The following TAF1B variants were observed in gnomAD, a reference collection of about 807,000 sequenced individuals.
TAF1B encodes TATA-box binding protein associated factor, RNA polymerase I subunit B.
Under a neutral mutation model 83.9 loss-of-function variants are expected in TAF1B, and 61 were observed. The observed-to-expected ratio is 0.73, with a 90% CI of 0.59 to 0.90. The LOEUF (loss-of-function observed/expected upper bound fraction) is 0.90, where lower values mean the gene tolerates loss of function less well. Among genes scored for constraint, TAF1B ranks in the 40% least tolerant of loss-of-function variants. The probability of loss-of-function intolerance (pLI) is 0.00; values close to 1 mark genes in which losing one functional copy is unlikely to be tolerated. For missense variants in TAF1B, 625 were observed against 677.0 expected (o/e 0.92, Z 0.85); for synonymous variants, 221 against 224.6 (o/e 0.98, Z 0.14).
At chr2:9,923,969 A>G (rs1024198490) in intron 14 of TAF1B, among the ~76,000 whole-genome samples, 1 of 152,102 alleles carries the variant, frequency 6.6e-6, no homozygotes, top group African/African-American at 2.4e-5. Flanking sequence ...GTGCTTTTTC[A>G]CAGGGCAGGA....
intron 1 of TAF1B, 54 bp from the exon 2 acceptor site, chr2:9,845,166 G>A (rs1041634570): frequency 2.2e-6 from 3 of 1,339,378 alleles, no homozygotes; most frequent in Non-Finnish European, 3.2e-6. Context: ...GTTTAGGTAC[G>A]ATGTATTGAA....
chr2:9,870,591 C>T (rs994855851), intron 6 of TAF1B, among the ~76,000 whole-genome samples: 9 of 152,186 alleles, frequency 5.9e-5, no homozygotes, highest in African/African-American at 2.2e-4. Flanking sequence ...TCACGTGCTT[C>T]TAGTATTACA....
chr2:9,854,474 G>T, intron 5 of TAF1B, 53 bp downstream of exon 5: 2 of 1,369,666 alleles, frequency 1.5e-6, no homozygotes, highest in South Asian at 2.3e-5. Flanking sequence ...TTGAGATGTA[G>T]AGATGAAGAT....
At position 9,919,694 on chromosome 2, in the gene TAF1B, C is replaced by T; in HGVS notation, c.1439C>T (p.Thr480Ile). 6.2e-7 allele frequency: 1 copy of T among 1,614,188 alleles called. No individual in the cohort carries two copies. The highest frequency in any genetic ancestry group is 8.5e-7 in the Non-Finnish European group (1 of 1,180,026). ...CCTTCAAGTTTTCAGTTCAACTGGA[C>T]TGAAGAGGACACTGATAGAACGTGT... Reference protein sequence around the residue: ...KSPSSFQFNWTEEDTDRTCFH... With the variant: ...KSPSSFQFNWIEEDTDRTCFH... Residue 480 changes from threonine to isoleucine, a missense_variant, in exon 14 of 15, where the codon ACT becomes ATT. Physicochemically the swap from Thr to Ile is moderately conservative, Grantham distance 89 (BLOSUM62 -1). Transcript: ENST00000263663.
intron 8 of TAF1B, among the ~76,000 whole-genome samples, chr2:9,888,953 G>A (rs62127143): frequency 0.23 from 34,456 of 146,936 alleles, 4,796 homozygotes; most frequent in East Asian, 0.31. Context: ...ACAGACATGC[G>A]CCACCACACC....
chr2:9,884,727 G>A (rs991643529), intron 8 of TAF1B, among the ~76,000 whole-genome samples: 2 of 152,154 alleles, frequency 1.3e-5, no homozygotes, highest in Non-Finnish European at 2.9e-5. Flanking sequence ...CAGCAGAGAG[G>A]GGGCCCTGGA....
chr2:9,852,250 C>G, intron 4 of TAF1B: 1 of 200,730 alleles, frequency 5.0e-6, no homozygotes, highest in Non-Finnish European at 1.0e-5. Context: ...GGGGACCACT[C>G]TTTGACTTTG....
intron 5 of TAF1B, among the ~76,000 whole-genome samples, chr2:9,859,069 CA>C (rs1469695564): frequency 6.6e-6 from 1 of 152,194 alleles, no homozygotes; most frequent in African/African-American, 2.4e-5. Context: ...GGAAATATTC[CA>C]AACTTCTATG....
rs1664305943 is a variant in TAF1B, at chr2:9,875,849, C to G, written c.554-16C>G. The stretch of plus-strand genomic sequence containing the variant: ...TAGTTCACTGGATTTTTAAAAATCT[C>G]CATTTATCTCCTAAGAAACGTCTGT... On this transcript the variant is annotated splice_polypyrimidine_tract_variant and intron_variant, in intron 6 of 14. Transcript: ENST00000263663. 2 of 1,550,282 alleles carry G rather than the reference C, an allele frequency of 1.3e-6. No homozygotes were observed. Among genetic ancestry groups the G allele is most frequent in the East Asian group, 4.6e-5 (2 of 43,686 alleles).
At chr2:9,864,721 C>T (rs1327400269) in intron 5 of TAF1B, among the ~76,000 whole-genome samples, 1 of 152,110 alleles carries the variant, frequency 6.6e-6, no homozygotes, top group Non-Finnish European at 1.5e-5. Context: ...TCCAGCAGCA[C>T]ATCAAAAAGC....
At chr2:9,931,929 T>C (rs1402269176) in intron 14 of TAF1B, among the ~76,000 whole-genome samples, 1 of 152,242 alleles carries the variant, frequency 6.6e-6, no homozygotes, top group African/African-American at 2.4e-5. Context: ...CTTCAATCAC[T>C]GATACCCTTT....
chr2:9,873,798 A>G (rs959982194), intron 6 of TAF1B, among the ~76,000 whole-genome samples: 1 of 151,238 alleles, frequency 6.6e-6, no homozygotes, highest in Non-Finnish European at 1.5e-5. Flanking sequence ...GAATGCAACC[A>G]TTTCTCACCA....
intron 9 of TAF1B, among the ~76,000 whole-genome samples, chr2:9,905,788 G>T (rs1448193088): frequency 1.3e-5 from 2 of 152,102 alleles, no homozygotes; most frequent in Non-Finnish European, 2.9e-5. Flanking sequence ...ATATGAAATT[G>T]TATGTATAGT....
In TAF1B at chr2:9,856,304, GA is replaced by G. The variant is rs571548986; in HGVS notation, c.399+1895del. Among the ~76,000 whole-genome samples the G allele has an allele frequency of 1.6e-3, 213 of 134,704 alleles. 1 individual carries two copies. Among genetic ancestry groups the G allele is most frequent in the South Asian group, 0.014 (60 of 4,236 alleles). 88.4% of individuals were successfully genotyped at this position (134,704 alleles called of 152,430 possible). ...GGGGGCCAACCTGAGAAAGCTAACTGAAAAAAAAAAAAGGCAGGGGAATAAC... is the reference window on the plus strand; with the variant it reads ...GGGGGCCAACCTGAGAAAGCTAACTGAAAAAAAAAAAGGCAGGGGAATAAC... On this transcript the variant is annotated intron_variant, in intron 5 of 14. Coordinates refer to ENST00000263663, the MANE Select transcript of TAF1B (RefSeq NM_005680.3).
At chr2:9,885,210 G>C (rs1287162639) in intron 8 of TAF1B, among the ~76,000 whole-genome samples, 1 of 152,210 alleles carries the variant, frequency 6.6e-6, no homozygotes, top group East Asian at 1.9e-4. Context: ...CCATCTGTGT[G>C]ACCTTGGCGA....
At chr2:9,896,365 A>C (rs1665016852) in intron 8 of TAF1B, among the ~76,000 whole-genome samples, 1 of 152,192 alleles carries the variant, frequency 6.6e-6, no homozygotes, top group African/African-American at 2.4e-5. Flanking sequence ...GAAACTTTTA[A>C]ATGGAAACGG....
chr2:9,906,567 A>G (rs1665349916), intron 9 of TAF1B, among the ~76,000 whole-genome samples: 1 of 152,214 alleles, frequency 6.6e-6, no homozygotes, highest in Non-Finnish European at 1.5e-5. Context: ...AGTGTTGTGT[A>G]CGTTCAGTGG....
intron 8 of TAF1B, among the ~76,000 whole-genome samples, chr2:9,896,524 G>C (rs887258155): frequency 6.6e-6 from 1 of 150,718 alleles, no homozygotes; most frequent in African/African-American, 2.4e-5. Context: ...TATGCCAGTG[G>C]AGTTTTGTGT....
intron 5 of TAF1B, among the ~76,000 whole-genome samples, chr2:9,861,055 C>G (rs1231615761): frequency 2.6e-5 from 4 of 152,202 alleles, no homozygotes; most frequent in Admixed American, 1.3e-4. Context: ...GCATTTCCAA[C>G]TAAAGTACTG....
Sources: allele counts gnomAD v4.1 joint callset (sites outside exome capture counted in the v4.1 genomes callset), GRCh38; gene constraint gnomAD v4.1.1; transcripts MANE v1.5; gene names NCBI Gene and HGNC (gene_info 2026-07-23, HGNC 2026-07-21).